Variants in CLK3 observed in about 807,000 individuals in gnomAD.
The protein encoded by CLK3 is dual specificity protein kinase CLK3.
Under a neutral mutation model 65.2 loss-of-function variants are expected in CLK3, and 24 were observed. That is an observed-to-expected ratio of 0.37 (90% CI 0.27 to 0.52). The LOEUF (loss-of-function observed/expected upper bound fraction) is 0.52, where lower values mean the gene tolerates loss of function less well. CLK3 is among the 20% of genes least tolerant of loss of function. The pLI is 0.92. For synonymous variants in CLK3, 252 were observed against 240.8 expected, an observed-to-expected ratio of 1.05 and a Z score of -0.43; for missense variants, 506 against 660.0, an observed-to-expected ratio of 0.77 and a Z score of 2.56.
chr15:74,616,345 G>T (rs2062059938), intron 1 of CLK3, among the ~76,000 whole-genome samples: 1 of 152,274 alleles, frequency 6.6e-6, no homozygotes, highest in East Asian at 1.9e-4. Context: ...CGGCGCCACT[G>T]GTGGCGGTTA....
chr15:74,615,342 A>G (rs1406412524), upstream of CLK3: 9 of 1,025,272 alleles, frequency 8.8e-6, no homozygotes, highest in African/African-American at 1.7e-5. Flanking sequence ...CGCACACACC[A>G]AGATAATAAT....
chr15:74,629,393 G>C (rs2062174364), intron 12 of CLK3: 1 of 533,452 alleles, frequency 1.9e-6, no homozygotes, highest in Non-Finnish European at 3.4e-6. Flanking sequence ...GGAAGCCTCT[G>C]TCAACTGCAT....
intron 12 of CLK3, 149 bp downstream of exon 12, chr15:74,629,181 G>A: frequency 1.4e-6 from 1 of 728,506 alleles, no homozygotes; most frequent in Non-Finnish European, 2.5e-6. Context: ...CTGGGTGCTG[G>A]CAATGGGGCT....
At chr15:74,615,770 G>A, upstream of CLK3, 3 of 1,242,646 alleles carry the variant, frequency 2.4e-6, no homozygotes, top group South Asian at 3.4e-5. Flanking sequence ...GAGCCGGGTC[G>A]AGCCGAGGCT....
intron 5 of CLK3, chr15:74,623,948 C>T (rs767423782): frequency 6.6e-6 from 1 of 152,128 alleles, no homozygotes; most frequent in Non-Finnish European, 1.5e-5. Flanking sequence ...AGGAGGAGGC[C>T]GGAGTGCATG....
upstream of CLK3, chr15:74,615,659 G>A: frequency 8.0e-7 from 1 of 1,246,894 alleles, no homozygotes; most frequent in Non-Finnish European, 1.0e-6. Flanking sequence ...TCGTCCCCTC[G>A]GCCCTCCCGG....
At position 74,621,398 on chromosome 15, in the gene CLK3, A is replaced by T. The variant is rs1485198380; in HGVS notation, c.370-722A>T. The T allele has an allele frequency of 1.2e-5, 2 of 162,602 alleles. No individual in the cohort carries two copies. Among genetic ancestry groups the T allele is most frequent in the Admixed American group, 5.8e-5 (1 of 17,326 alleles). The allele number at this position is 162,602 out of a possible 1,614,324, so 10.1% of individuals were successfully genotyped here. A position where few individuals can be genotyped will look rare whatever the true frequency, so the allele number is the denominator to read the frequency against. ...ATTGTGGTAGGAAGCCTGGCAGTCG[A>T]CTGGCCCAGAGGATCCCAGGCTGCT... On this transcript the variant is annotated intron_variant, in intron 3 of 12. Coordinates refer to ENST00000395066, the MANE Select transcript of CLK3 (RefSeq NM_001130028.2). This position sits in a 1 kb window ranked among gnomAD's most constrained non-coding sequence, Gnocchi z 4.8.
rs376812584 is a variant in CLK3 at position 74,620,097 on chromosome 15, G to C, written c.241G>C (p.Glu81Gln). ...TGAAGAGCGGAGCCCATCCTTTGGA[G>C]AGGACTACTATGGACCTTCACGTTC... The part of the protein sequence containing the change: ...RCEERSPSFG[E>Q]DYYGPSRSRH... The change falls in exon 3 of 13, where the codon GAG (glutamate) becomes CAG (glutamine). Residue 81 changes from glutamate (E) to glutamine (Q), a missense_variant. Glu to Gln is a conservative substitution (Grantham distance 29, BLOSUM62 2). This residue lies in a region of CLK3 where 181 missense variants were observed against 159.4 expected (regional missense o/e 1.14). Coordinates refer to ENST00000395066, the MANE Select transcript of CLK3 (RefSeq NM_001130028.2). 8.5e-5 allele frequency: 138 copies of C among 1,614,094 alleles called. No individual in the cohort carries two copies. Among genetic ancestry groups the C allele is most frequent in the Non-Finnish European group, 1.1e-4 (132 of 1,180,050 alleles).
chr15:74,611,469 G>A (rs1324592165), upstream of CLK3, among the ~76,000 whole-genome samples: 2 of 152,248 alleles, frequency 1.3e-5, no homozygotes, highest in Non-Finnish European at 2.9e-5. Context: ...CAGCACCAGG[G>A]CTTGCTCCGA....
In CLK3 at chr15:74,621,783, C is replaced by T. The variant is rs1375983489; in HGVS notation, c.370-337C>T. 8.1e-6 allele frequency: 3 copies of T among 369,078 alleles called. No individual in the cohort carries two copies. Among genetic ancestry groups the T allele is most frequent in the East Asian group, 1.4e-4 (2 of 14,262 alleles). The allele number at this position is 369,078 out of a possible 1,614,324, so 22.9% of individuals were successfully genotyped here. ...GGAGGGAGTCGGGGCGATGGCTCTC[C>T]TCACAGCGTGGCCCTCAGCAGCAGA... On this transcript the variant is annotated intron_variant, in intron 3 of 12. Transcript: ENST00000395066. The surrounding 1 kb of genome is among the most constrained non-coding windows in gnomAD (Gnocchi z 4.8).
Position 74,624,705 on chromosome 15 carries a change from C to T in CLK3, c.534-197C>T, listed in dbSNP as rs2062130242. On this transcript the variant is annotated intron_variant, in intron 5 of 12. Transcript: ENST00000395066. This position sits in a 1 kb window ranked among gnomAD's most constrained non-coding sequence, Gnocchi z 4.2. Reference sequence around the variant, plus strand: ...CAAGGATGCTAAGAGCATTAACTCACAGATCTCAGGGAGCTTGCTGTTGGG... The same window carrying T: ...CAAGGATGCTAAGAGCATTAACTCATAGATCTCAGGGAGCTTGCTGTTGGG... 2 of 601,460 alleles carry T rather than the reference C, an allele frequency of 3.3e-6. No homozygotes were observed. Among genetic ancestry groups the T allele is most frequent in the East Asian group, 2.8e-5 (1 of 36,110 alleles). 37.3% of individuals were successfully genotyped at this position (601,460 alleles called of 1,614,324 possible).
chr15:74,628,028 C>A lies in CLK3; in HGVS notation c.1101C>A (p.Tyr367Ter). The change falls in exon 10 of 13, where the codon TAC becomes TAA. Residue 367 changes from tyrosine (Y) to a stop codon, truncating the protein, a stop_gained. Coordinates refer to ENST00000395066, the MANE Select transcript of CLK3 (RefSeq NM_001130028.2). LOFTEE classifies it high-confidence loss of function. The stretch of plus-strand genomic sequence containing the variant: ...GCATTGGCTGCATTCTCTTTGAGTA[C>A]TACCGGGGCTTCACACTCTTCCAGG... The part of the protein sequence containing the change: ...VWSIGCILFE[Y>*]YRGFTLFQTH... 6.2e-7 allele frequency: 1 copy of A among 1,613,226 alleles called. No homozygotes were observed. The highest frequency in any genetic ancestry group is 8.5e-7 in the Non-Finnish European group (1 of 1,179,152).
At chr15:74,625,132 C>G in intron 6 of CLK3, 114 bp downstream of exon 6, 1 of 755,980 alleles carries the variant, frequency 1.3e-6, no homozygotes. Flanking sequence ...CACTCAGAAC[C>G]AGGGGAGTGT....
chr15:74,624,882 G>A lies in CLK3; in HGVS notation c.534-20G>A. On this transcript the variant is annotated intron_variant, in intron 5 of 12. Coordinates refer to ENST00000395066, the MANE Select transcript of CLK3 (RefSeq NM_001130028.2). This position sits in a 1 kb window ranked among gnomAD's most constrained non-coding sequence, Gnocchi z 4.2. The stretch of plus-strand genomic sequence containing the variant: ...TGGGCAGCTGCTGATGAGAACCTCT[G>A]TTTCCTTCCCGGGTACCAGAGGGAA... 1 of 1,579,974 alleles carries A rather than the reference G, an allele frequency of 6.3e-7. No individual in the cohort carries two copies. The highest frequency in any genetic ancestry group is 1.1e-5 in the South Asian group (1 of 87,674).
rs1023137194 is a variant in CLK3 at position 74,622,389 on chromosome 15, G to C, written c.467-105G>C. ...TCCATTTTTAAGAGTGTAGCAGTGA[G>C]AGAGAAACCTTTTTTGTTTTTGAGA... On this transcript the variant is annotated intron_variant, in intron 4 of 12. Coordinates refer to ENST00000395066, the MANE Select transcript of CLK3 (RefSeq NM_001130028.2). The surrounding 1 kb of genome is among the most constrained non-coding windows in gnomAD (Gnocchi z 4.6). 9.2e-7 allele frequency: 1 copy of C among 1,081,816 alleles called. No homozygotes were observed. The highest frequency in any genetic ancestry group is 1.4e-6 in the Non-Finnish European group (1 of 729,292). 67.0% of individuals were successfully genotyped at this position (1,081,816 alleles called of 1,614,324 possible).
chr15:74,615,250 A>G (rs2062042553), upstream of CLK3: 3 of 428,030 alleles, frequency 7.0e-6, no homozygotes, highest in Non-Finnish European at 7.9e-6. Context: ...CGGCCCCGCC[A>G]GAGTAGCTCT....
At chr15:74,616,014 TTCGGCCCATA>T (rs1161308101) in intron 1 of CLK3, 116 bp downstream of exon 1, 3 of 836,214 alleles carry the variant, frequency 3.6e-6, no homozygotes, top group Non-Finnish European at 4.8e-6. Flanking sequence ...CTTTCTCCTC[TTCGGCCCATA>T]TCGGGCCGCG....
At chr15:74,617,888 C>A (rs1236092182) in intron 1 of CLK3, among the ~76,000 whole-genome samples, 1 of 152,228 alleles carries the variant, frequency 6.6e-6, no homozygotes, top group African/African-American at 2.4e-5. Flanking sequence ...AACAACAAAT[C>A]TAAGCTTTTG....
rs1383597522 is a variant in CLK3 at position 74,628,875 on chromosome 15, C to G, written c.1206-67C>G. ...GCTGCTGTCTTGGGAGCTGCTCTTC[C>G]CCACCTCCCACCAGAGGCTTGTCCC... On this transcript the variant is annotated intron_variant, in intron 11 of 12. Coordinates refer to ENST00000395066, the MANE Select transcript of CLK3 (RefSeq NM_001130028.2). The G allele has an allele frequency of 1.1e-5, 13 of 1,220,656 alleles. No individual in the cohort carries two copies. The African/African-American group carries it at 1.9e-4, about 18-fold the overall frequency. 75.6% of individuals were successfully genotyped at this position (1,220,656 alleles called of 1,614,324 possible).
Sources: gnomAD v4.1 joint callset for allele counts (sites outside exome capture counted in the v4.1 genomes callset) on GRCh38, gnomAD v4.1.1 for gene constraint, gnomAD v4.1.1 regional missense constraint, Gnocchi (gnomAD v3.1) non-coding constraint, MANE v1.5 for transcripts, NCBI Gene and HGNC (gene_info 2026-07-23, HGNC 2026-07-21) for gene names.